Variants in PSD3 observed in about 807,000 individuals in gnomAD.
PSD3 encodes pleckstrin and Sec7 domain containing 3.
In PSD3, 49 loss-of-function variants were observed where a neutral mutation model predicts 105.5. That is an observed-to-expected ratio of 0.46 (90% confidence interval 0.37 to 0.59). The LOEUF (loss-of-function observed/expected upper bound fraction) is 0.59. Ranked by LOEUF, PSD3 falls within the 20% of genes least tolerant of loss-of-function variation. PSD3 has a pLI of 0.00. For missense variants in PSD3, 1,561 were observed against 1,263.8 expected (o/e 1.24, Z -3.57); for synonymous variants, 557 against 457.8 (o/e 1.22, Z -2.77).
At chr8:18,662,136 G>A (rs1277025347) in intron 9 of PSD3, among the ~76,000 whole-genome samples, 2 of 151,954 alleles carry the variant, frequency 1.3e-5, no homozygotes, top group African/African-American at 4.8e-5. Context: ...ACCTAACCAT[G>A]AATAGATGTC....
intron 14 of PSD3, among the ~76,000 whole-genome samples, chr8:18,565,280 G>A (rs1488934161): frequency 2.0e-5 from 3 of 152,004 alleles, no homozygotes; most frequent in South Asian, 2.1e-4. Flanking sequence ...GAACAGGGCC[G>A]GCCATGCATT....
intron 2 of PSD3, among the ~76,000 whole-genome samples, chr8:18,917,620 C>A (rs954329331): frequency 2.6e-5 from 4 of 152,140 alleles, no homozygotes; most frequent in African/African-American, 7.2e-5. Flanking sequence ...TTTCCAAGAA[C>A]CTATCAAGGA....
intron 2 of PSD3, among the ~76,000 whole-genome samples, chr8:18,883,809 C>G (rs1235702225): frequency 3.3e-5 from 5 of 152,154 alleles, no homozygotes; most frequent in Non-Finnish European, 5.9e-5. Flanking sequence ...GACTATAGTT[C>G]ATCGGATTTT....
chr8:18,840,517 C>T (rs538445837), intron 4 of PSD3, among the ~76,000 whole-genome samples: 40 of 152,320 alleles, frequency 2.6e-4, no homozygotes, highest in African/African-American at 9.1e-4. Context: ...TAAGCACTTC[C>T]GATATTCCAG....
intron 4 of PSD3, among the ~76,000 whole-genome samples, chr8:18,816,531 T>C (rs1812237155): frequency 6.6e-6 from 1 of 152,234 alleles, no homozygotes; most frequent in Non-Finnish European, 1.5e-5. Context: ...AAAGGACATC[T>C]GTATATGTGT....
At chr8:18,650,929 C>G (rs762421045) in intron 10 of PSD3, among the ~76,000 whole-genome samples, 2 of 152,176 alleles carry the variant, frequency 1.3e-5, no homozygotes, top group Non-Finnish European at 2.9e-5. Context: ...GAGGCCATAA[C>G]AGCTGGGGAA....
Position 18,620,490 on chromosome 8 carries a change from A to C in PSD3, c.2410+12123T>G, listed in dbSNP as rs564962809. On this transcript the variant is annotated intron_variant, in intron 11 of 15. Transcript: ENST00000327040. Reference sequence around the variant, plus strand: ...TTTGGGAGGCCAAGCCTGGTGGATCACTTGAGCCCAGTAGTTTGAGGCCAG... The same window carrying C: ...TTTGGGAGGCCAAGCCTGGTGGATCCCTTGAGCCCAGTAGTTTGAGGCCAG... Among the ~76,000 whole-genome samples, 3 of 152,072 alleles carry C rather than the reference A, an allele frequency of 2.0e-5. No individual in the cohort carries two copies. In the East Asian group the frequency reaches 5.8e-4, roughly 30 times the overall value.
chr8:18,749,021 G>C (rs1487792707), intron 9 of PSD3, among the ~76,000 whole-genome samples: 2 of 152,236 alleles, frequency 1.3e-5, no homozygotes, highest in Non-Finnish European at 2.9e-5. Flanking sequence ...AACAGCCAAA[G>C]AGAAGGTGGT....
At chr8:18,726,412 TCC>T (rs912568140) in intron 9 of PSD3, among the ~76,000 whole-genome samples, 9 of 152,204 alleles carry the variant, frequency 5.9e-5, no homozygotes, top group African/African-American at 2.2e-4. Context: ...CCACTGTAAT[TCC>T]CCAATATTCT....
At chr8:18,760,404 A>C (rs1000714439) in intron 9 of PSD3, among the ~76,000 whole-genome samples, 5 of 151,848 alleles carry the variant, frequency 3.3e-5, no homozygotes, top group African/African-American at 1.2e-4. Flanking sequence ...TTAAATCCCC[A>C]CCATCCCCAG....
At chr8:18,798,200 A>C (rs1810359078) in intron 8 of PSD3, among the ~76,000 whole-genome samples, 1 of 152,148 alleles carries the variant, frequency 6.6e-6, no homozygotes, top group South Asian at 2.1e-4. Flanking sequence ...ATGCTTCCTG[A>C]AAGTATTTTC....
At chr8:19,026,034 G>T (rs1827538655) in intron 1 of PSD3, among the ~76,000 whole-genome samples, 1 of 152,168 alleles carries the variant, frequency 6.6e-6, no homozygotes, top group South Asian at 2.1e-4. Context: ...ATGGTAGTAG[G>T]CAAGAGCACC....
chr8:19,005,619 C>T (rs1199962527), intron 1 of PSD3, among the ~76,000 whole-genome samples: 1 of 151,798 alleles, frequency 6.6e-6, no homozygotes, highest in East Asian at 1.9e-4. Context: ...TGAGTGGCTG[C>T]GATTACAGGC....
intron 1 of PSD3, among the ~76,000 whole-genome samples, chr8:18,981,868 A>ATGGCTGCTGACTGATCAGGGTGG (rs1371467953): frequency 6.6e-6 from 1 of 152,198 alleles, no homozygotes; most frequent in African/African-American, 2.4e-5. Context: ...CTCATTACTG[A>ATGGCTGCTGACTGATCAGGGTGG]TGGCTGCTGA....
At chr8:18,574,159 A>T (rs7839772) in intron 13 of PSD3, among the ~76,000 whole-genome samples, 13,528 of 151,474 alleles carry the variant, frequency 0.089, 874 homozygotes, top group African/African-American at 0.18. Flanking sequence ...AACAAAAAGT[A>T]AAAAAAAAGT....
In PSD3 at chr8:18,804,849, T is replaced by A. The variant is rs1422443830; in HGVS notation, c.1684A>T (p.Ser562Cys). ...TRLEAHSEMG[S>C]TEILEKETPE... The stretch of plus-strand genomic sequence containing the variant: ...GTCTCCTTTTCCAAAATTTCAGTGC[T>A]CCCCATTTCAGAATGAGCTTCTAGC... The change falls in exon 5 of 16, where the codon AGC becomes TGC. Residue 562 changes from serine to cysteine, a missense_variant. By Grantham distance (112) the Ser-to-Cys change is moderately radical. Transcript: ENST00000327040. 1.7e-5 allele frequency: 27 copies of A among 1,613,368 alleles called. No homozygotes were observed. The highest frequency in any genetic ancestry group is 2.3e-5 in the Non-Finnish European group (27 of 1,179,298).
intron 4 of PSD3, among the ~76,000 whole-genome samples, chr8:18,817,056 A>T (rs1812276360): frequency 6.6e-6 from 1 of 152,186 alleles, no homozygotes; most frequent in Admixed American, 6.5e-5. Context: ...GTAAGTTTTA[A>T]GTGATGGCCC....
intron 1 of PSD3, among the ~76,000 whole-genome samples, chr8:19,058,423 TATATG>T (rs1238125281): frequency 4.0e-5 from 6 of 148,338 alleles, no homozygotes; most frequent in African/African-American, 1.5e-4. Flanking sequence ...AATGTAAAAT[TATATG>T]ATATATTACA....
intron 1 of PSD3, among the ~76,000 whole-genome samples, chr8:19,043,214 C>A (rs920150525): frequency 1.3e-5 from 2 of 152,136 alleles, no homozygotes; most frequent in East Asian, 3.9e-4. Flanking sequence ...GGATATTTGG[C>A]CAAAATGGCT....
Sources: gnomAD v4.1 joint callset for allele counts (sites outside exome capture counted in the v4.1 genomes callset) on GRCh38, gnomAD v4.1.1 for gene constraint, MANE v1.5 for transcripts, NCBI Gene and HGNC (gene_info 2026-07-23, HGNC 2026-07-21) for gene names.